KCNH4: variants seen among roughly 807,000 people sequenced by gnomAD.
KCNH4 encodes the protein potassium voltage-gated channel subfamily H member 4.
Under a neutral mutation model 90.7 loss-of-function variants are expected in KCNH4, and 33 were observed. The ratio of observed to expected loss-of-function variants is 0.36; its 90% CI spans 0.28 to 0.49. The LOEUF is 0.49. KCNH4 is among the 20% of genes least tolerant of loss of function. The pLI is 0.98. For missense variants in KCNH4, 1,044 were observed against 1,387.1 expected, an observed-to-expected ratio of 0.75 and a Z score of 3.93; for synonymous variants, 551 against 581.7, an observed-to-expected ratio of 0.95 and a Z score of 0.76.
At chr17:42,170,086 G>A in intron 8 of KCNH4, 21 bp downstream of exon 8, 3 of 1,572,138 alleles carry the variant, frequency 1.9e-6, no homozygotes, top group Non-Finnish European at 2.6e-6. Context: ...CCCCACTGAG[G>A]CGTGGCAGGT....
chr17:42,173,591 A>G (rs2079841784), intron 6 of KCNH4, among the ~76,000 whole-genome samples: 1 of 147,432 alleles, frequency 6.8e-6, no homozygotes, highest in East Asian at 2.1e-4. Flanking sequence ...CCCCAGTGGT[A>G]TTCCTCATCT....
In KCNH4 at chr17:42,169,536, G is replaced by A. The variant is rs138693188; in HGVS notation, c.1531C>T (p.Arg511Cys). Reference protein sequence around the residue: ...VHRLPRPLKQRMLEYFQTTWA... With the variant: ...VHRLPRPLKQCMLEYFQTTWA... ...GTGGTCTGGAAGTATTCGAGCATGCGCTGCTTGAGCGGCCGCGGCAGGCGG... is the reference window on the plus strand; with the variant it reads ...GTGGTCTGGAAGTATTCGAGCATGCACTGCTTGAGCGGCCGCGGCAGGCGG... The change falls in exon 9 of 17, where the codon CGC becomes TGC. Residue 511 changes from arginine to cysteine, a missense_variant. Arg to Cys is a radical substitution (Grantham distance 180). This residue lies in a region of KCNH4 where 318 missense variants were observed against 479.6 expected (regional missense o/e 0.66). Transcript: ENST00000264661. The A allele has an allele frequency of 9.9e-6, 16 of 1,613,340 alleles. No homozygotes were observed. Among genetic ancestry groups the A allele is most frequent in the African/African-American group, 4.0e-5 (3 of 74,954 alleles).
intron 6 of KCNH4, among the ~76,000 whole-genome samples, chr17:42,173,842 A>G (rs2079844480): frequency 6.6e-6 from 1 of 151,522 alleles, no homozygotes; most frequent in Admixed American, 6.6e-5. Context: ...CTGGGACTAC[A>G]GGCACCTGCC....
intron 6 of KCNH4, among the ~76,000 whole-genome samples, chr17:42,174,677 A>AG (rs2074273390): frequency 6.6e-6 from 1 of 151,972 alleles, no homozygotes; most frequent in African/African-American, 2.4e-5. Context: ...CCCACACCCA[A>AG]GGGGGCCTGG....
At chr17:42,176,765 C>T (rs2144141003) in intron 4 of KCNH4, among the ~76,000 whole-genome samples, 1 of 152,090 alleles carries the variant, frequency 6.6e-6, no homozygotes, top group East Asian at 1.9e-4. Context: ...TCAGGTGATC[C>T]ACCCACCTCA....
chr17:42,178,934 G>A lies in KCNH4; in HGVS notation c.169C>T (p.Arg57Cys), dbSNP rs2079882605. The change falls in exon 2 of 17, where the codon CGC becomes TGC. Residue 57 changes from arginine (R) to cysteine (C), a missense_variant. Arg to Cys is a radical substitution (Grantham distance 180). This residue lies in a region of KCNH4 where 283 missense variants were observed against 378.6 expected (regional missense o/e 0.75). Coordinates refer to ENST00000264661, the MANE Select transcript of KCNH4 (RefSeq NM_012285.3). ...DGFCELTGYG[R>C]TEVMQKTCSC... Reference sequence around the variant, plus strand: ...CAGGTCTTCTGCATGACCTCGGTGCGACCGTAGCCTGTGAGCTCGCAGAAG... The same window carrying A: ...CAGGTCTTCTGCATGACCTCGGTGCAACCGTAGCCTGTGAGCTCGCAGAAG... 3 of 1,614,206 alleles carry A rather than the reference G, an allele frequency of 1.9e-6. No individual in the cohort carries two copies. The highest frequency in any genetic ancestry group is 2.5e-6 in the Non-Finnish European group (3 of 1,180,044).
Position 42,160,393 on chromosome 17 carries a change from G to T in KCNH4, c.2701C>A (p.Leu901Met), listed in dbSNP as rs1461642122. The change falls in exon 16 of 17, where the codon CTG (leucine) becomes ATG (methionine). Residue 901 changes from leucine (L) to methionine (M), a missense_variant. Transcript: ENST00000264661. ...TGCAGCAGGCCCATGATGTGCCGCAGCTCCCGGCTAAGCTGAGACACCTCC... is the reference window on the plus strand; with the variant it reads ...TGCAGCAGGCCCATGATGTGCCGCATCTCCCGGCTAAGCTGAGACACCTCC... ...NQEVSQLSRE[L>M]RHIMGLLQAR... 6.2e-7 allele frequency: 1 copy of T among 1,611,726 alleles called. No homozygotes were observed. Among genetic ancestry groups the T allele is most frequent in the Non-Finnish European group, 8.5e-7 (1 of 1,178,444 alleles).
rs2144116609 is a variant in KCNH4 at position 42,159,849 on chromosome 17, A to C, written c.*191T>G. On this transcript the variant is annotated 3_prime_UTR_variant, in exon 16 of 17. Coordinates refer to ENST00000264661, the MANE Select transcript of KCNH4 (RefSeq NM_012285.3). Reference sequence around the variant, plus strand: ...CAGGTGGCTCCCCTCACAGAGGGGGAGGTTGGGGAAGGCTTGGAAAAGGGA... The same window carrying C: ...CAGGTGGCTCCCCTCACAGAGGGGGCGGTTGGGGAAGGCTTGGAAAAGGGA... 3 of 422,984 alleles carry C rather than the reference A, an allele frequency of 7.1e-6. No individual in the cohort carries two copies. Among genetic ancestry groups the C allele is most frequent in the East Asian group, 3.5e-5 (1 of 28,372 alleles). 26.2% of individuals were successfully genotyped at this position (422,984 alleles called of 1,614,324 possible). A position where few individuals can be genotyped will look rare whatever the true frequency, so the allele number is the denominator to read the frequency against.
rs1190686084 is a variant in KCNH4 at position 42,158,297 on chromosome 17, G to A, written c.*310-1179C>T. ...AATAATCCCAGCACTTTGGGAGGCC[G>A]AGGCAGGTGGATCATGAGGTCAGGA... On this transcript the variant is annotated intron_variant, in intron 16 of 16. Transcript: ENST00000264661. Among the ~76,000 whole-genome samples the A allele has an allele frequency of 2.0e-5, 3 of 151,184 alleles. No individual in the cohort carries two copies. The East Asian group carries it at 5.9e-4, about 30-fold the overall frequency.
intron 11 of KCNH4, among the ~76,000 whole-genome samples, chr17:42,164,815 C>G (rs112999115): frequency 7.0e-6 from 1 of 142,140 alleles, no homozygotes; most frequent in South Asian, 2.3e-4. Flanking sequence ...AAAACAAAAA[C>G]GAAAACAAGA....
Position 42,165,551 on chromosome 17 carries a change from C to G in KCNH4, c.1983G>C (p.Gly661=). 1 of 1,614,200 alleles carries G rather than the reference C, an allele frequency of 6.2e-7. No individual in the cohort carries two copies. ...YCGLQQLSSR[G]LAEVLRLYPE... is the part of the protein sequence containing the mutation. ...GATAGAGCCTCAGGACCTCAGCCAG[C>G]CCTCGGCTGCTCAGCTGCTGCAGGC... Residue 661 remains glycine (G), a synonymous_variant, in exon 11 of 17, where the codon GGG becomes GGC. Coordinates refer to ENST00000264661, the MANE Select transcript of KCNH4 (RefSeq NM_012285.3).
rs758307226 is a variant in KCNH4 at position 42,163,427 on chromosome 17, G to A, written c.2478-93C>T. The A allele has an allele frequency of 2.6e-4, 252 of 958,076 alleles. No individual in the cohort carries two copies. The highest frequency in any genetic ancestry group is 3.8e-4 in the Non-Finnish European group (236 of 618,876). The allele number at this position is 958,076 out of a possible 1,614,324, so 59.3% of individuals were successfully genotyped here. On this transcript the variant is annotated intron_variant, in intron 13 of 16. Coordinates refer to ENST00000264661, the MANE Select transcript of KCNH4 (RefSeq NM_012285.3). The surrounding 1 kb of genome is among the most constrained non-coding windows in gnomAD (Gnocchi z 5.4). ...GGGGACTGGGGGCAGCAGTGCCAGG[G>A]GGCGGAGCAAGAGCAGCAGTCAAAG...
At chr17:42,174,941 A>G (rs1370463430) in intron 6 of KCNH4, among the ~76,000 whole-genome samples, 3 of 152,084 alleles carry the variant, frequency 2.0e-5, no homozygotes, top group Non-Finnish European at 2.9e-5. Context: ...GTCTAGCTAT[A>G]CCATCTCCGC....
rs185496869 is a variant in KCNH4 at position 42,168,059 on chromosome 17, C to T, written c.1590+1418G>A. Among the ~76,000 whole-genome samples the T allele has an allele frequency of 6.6e-5, 10 of 152,302 alleles. No individual in the cohort carries two copies. In the East Asian group the frequency reaches 1.7e-3, roughly 26 times the overall value. On this transcript the variant is annotated intron_variant, in intron 9 of 16. Coordinates refer to ENST00000264661, the MANE Select transcript of KCNH4 (RefSeq NM_012285.3). ...CTGGCCTGTGTCCCTAAGGCCATTTCTACCTGGCATTGCCACCTTCCTTGA... is the reference window on the plus strand; with the variant it reads ...CTGGCCTGTGTCCCTAAGGCCATTTTTACCTGGCATTGCCACCTTCCTTGA...
rs1215616306 is a variant in KCNH4 at position 42,176,192 on chromosome 17, C to T, written c.691G>A (p.Gly231Ser). 11 of 1,613,814 alleles carry T rather than the reference C, an allele frequency of 6.8e-6. No homozygotes were observed. Among genetic ancestry groups the T allele is most frequent in the Middle Eastern group, 1.6e-4 (1 of 6,084 alleles). ...TAGAAGGTGGCAAGGAGGATAAGGC[C>T]GTCCCAGATGGCCTTGGAGACGCTG... ...HYSVSKAIWD[G>S]LILLATFYVA... is the part of the protein sequence containing the mutation. The change falls in exon 5 of 17, where the codon GGC (glycine) becomes AGC (serine). Residue 231 changes from glycine (G) to serine (S), a missense_variant. Transcript: ENST00000264661.
chr17:42,179,106 G>T, intron 1 of KCNH4, 80 bp from the exon 2 acceptor site: 1 of 998,540 alleles, frequency 1.0e-6, no homozygotes, highest in Non-Finnish European at 1.5e-6. Flanking sequence ...CCTCTAAGTT[G>T]GGGTTAGAAG....
Position 42,169,662 on chromosome 17 carries a change from C to T in KCNH4, c.1405G>A (p.Val469Met), listed in dbSNP as rs766105686. 3.2e-5 allele frequency: 51 copies of T among 1,613,636 alleles called. No homozygotes were observed. Among genetic ancestry groups the T allele is most frequent in the Non-Finnish European group, 4.2e-5 (50 of 1,179,956 alleles). The change falls in exon 9 of 17, where the codon GTG becomes ATG. Residue 469 changes from valine to methionine, a missense_variant. Val to Met is a conservative substitution (Grantham distance 21). This residue lies in a region of KCNH4 where 318 missense variants were observed against 479.6 expected (regional missense o/e 0.66). Transcript: ENST00000264661. ...TMLIGALMHA[V>M]VFGNVTAIIQ... ...ATGGCTGTCACGTTCCCGAACACCA[C>T]AGCGTGCATCAGGGCTGCAGCAGCA...
intron 11 of KCNH4, among the ~76,000 whole-genome samples, chr17:42,164,407 T>A (rs1298201323): frequency 6.6e-6 from 1 of 152,104 alleles, no homozygotes; most frequent in East Asian, 1.9e-4. Flanking sequence ...TAAAACAAAG[T>A]GGACTCAGGA....
intron 8 of KCNH4, 91 bp downstream of exon 8, chr17:42,170,016 G>C (rs563408885): frequency 1.5e-6 from 2 of 1,320,790 alleles, no homozygotes; most frequent in Non-Finnish European, 1.0e-6. Flanking sequence ...TAGACACCTC[G>C]GGCAGATGTC....
Sources: allele counts gnomAD v4.1 joint callset (sites outside exome capture counted in the v4.1 genomes callset), GRCh38; gene constraint gnomAD v4.1.1; regional missense constraint gnomAD v4.1.1; non-coding constraint Gnocchi (gnomAD v3.1); transcripts MANE v1.5; gene names NCBI Gene and HGNC (gene_info 2026-07-23, HGNC 2026-07-21).